Variants in BCL11A observed in about 807,000 individuals in gnomAD.
BCL11A encodes the protein BCL11 transcription factor A.
In BCL11A, 2 loss-of-function variants were observed where a neutral mutation model predicts 55.9. The ratio of observed to expected loss-of-function variants is 0.04; its 90% CI spans 0.01 to 0.11. The LOEUF (loss-of-function observed/expected upper bound fraction) is 0.11, where lower values mean the gene tolerates loss of function less well. Among genes scored for constraint, BCL11A ranks in the 10% least tolerant of loss-of-function variants. The probability of loss-of-function intolerance (pLI) is 1.00; values close to 1 mark genes in which losing one functional copy is unlikely to be tolerated. For synonymous variants in BCL11A, 465 were observed against 473.4 expected (o/e 0.98, Z 0.23); for missense variants, 817 against 1,137.1 (o/e 0.72, Z 4.05).
intron 2 of BCL11A, among the ~76,000 whole-genome samples, chr2:60,489,448 C>A (rs1033558434): frequency 6.6e-6 from 1 of 152,224 alleles, no homozygotes. Context: ...AGTAAACACA[C>A]GGCGGCCCTG....
chr2:60,467,698 GAT>G (rs1676859674), intron 3 of BCL11A, among the ~76,000 whole-genome samples: 7 of 105,132 alleles, frequency 6.7e-5, no homozygotes, highest in South Asian at 6.5e-4. Context: ...TGGTGGTGGT[GAT>G]GGTACTGGTG....
chr2:60,537,457 A>G (rs2104683106), intron 2 of BCL11A: 1 of 152,334 alleles, frequency 6.6e-6, no homozygotes, highest in Non-Finnish European at 1.5e-5. Context: ...AAATCATAAA[A>G]TCATGGTATA....
At position 60,546,875 on chromosome 2, in the gene BCL11A, A is replaced by G. The variant is rs998423542; in HGVS notation, c.56-575T>C. On this transcript the variant is annotated intron_variant, in intron 1 of 3. Transcript: ENST00000642384. The surrounding 1 kb of genome is among the most constrained non-coding windows in gnomAD (Gnocchi z 4.1). ...AGAAAGCTACTATGTCACATGAAAA[A>G]TGTGCCACATTTACACTGCTGTAAT... Among the ~76,000 whole-genome samples the G allele has an allele frequency of 6.6e-6, 1 of 151,048 alleles. No homozygotes were observed. The highest frequency in any genetic ancestry group is 1.5e-5 in the Non-Finnish European group (1 of 67,828).
intron 2 of BCL11A, chr2:60,524,808 C>T (rs1406725748): frequency 6.6e-6 from 1 of 152,162 alleles, no homozygotes; most frequent in Non-Finnish European, 1.5e-5. Context: ...CTTCTGAAAA[C>T]ATTTCATATC....
At chr2:60,507,977 A>T (rs1679740816) in intron 2 of BCL11A, among the ~76,000 whole-genome samples, 1 of 152,186 alleles carries the variant, frequency 6.6e-6, no homozygotes, top group Non-Finnish European at 1.5e-5. Context: ...AAAGCTTTAA[A>T]ATCATATGGT....
At chr2:60,493,152 G>C (rs531398346) in intron 2 of BCL11A, among the ~76,000 whole-genome samples, 2 of 150,432 alleles carry the variant, frequency 1.3e-5, no homozygotes, top group African/African-American at 4.9e-5. Context: ...ATGGTGTGGA[G>C]TGTGTTACTC....
At chr2:60,462,485 C>T in intron 3 of BCL11A, 61 bp from the exon 4 acceptor site, 1 of 1,547,480 alleles carries the variant, frequency 6.5e-7, no homozygotes, top group East Asian at 2.3e-5. Context: ...TCAGCAATTG[C>T]TTATTTATGT....
chr2:60,530,041 G>C (rs1390095460), intron 2 of BCL11A, among the ~76,000 whole-genome samples: 1 of 152,158 alleles, frequency 6.6e-6, no homozygotes, highest in African/African-American at 2.4e-5. Context: ...TTATTGGGAT[G>C]ATGACTCCTG....
intron 2 of BCL11A, chr2:60,534,185 C>A (rs1433508398): frequency 1.3e-5 from 2 of 152,228 alleles, no homozygotes; most frequent in African/African-American, 2.4e-5. Flanking sequence ...CACTCGTGTA[C>A]CTTGAGGGAG....
chr2:60,450,843 T>G (rs1357760434), downstream of BCL11A: 1 of 152,440 alleles, frequency 6.6e-6, no homozygotes, highest in Non-Finnish European at 1.5e-5. Flanking sequence ...CAACTCTGCA[T>G]GCCTTTACCA....
At chr2:60,494,994 A>T (rs2104349588) in intron 2 of BCL11A, among the ~76,000 whole-genome samples, 1 of 152,316 alleles carries the variant, frequency 6.6e-6, no homozygotes, top group East Asian at 1.9e-4. Context: ...ATGGGTGGAC[A>T]GCCCGACAGA....
chr2:60,474,163 T>C (rs1335682503), intron 2 of BCL11A, among the ~76,000 whole-genome samples: 1 of 152,188 alleles, frequency 6.6e-6, no homozygotes, highest in Non-Finnish European at 1.5e-5. Flanking sequence ...AGAGTTCTCC[T>C]CCTAGGCTTT....
At chr2:60,452,926 A>T (rs948237645), downstream of BCL11A, 1 of 404,040 alleles carries the variant, frequency 2.5e-6, no homozygotes, top group Non-Finnish European at 4.5e-6. Context: ...GCCCAATTGT[A>T]TGATAGTCCT....
At chr2:60,490,258 C>G (rs949099444) in intron 2 of BCL11A, among the ~76,000 whole-genome samples, 1 of 152,132 alleles carries the variant, frequency 6.6e-6, no homozygotes, top group Non-Finnish European at 1.5e-5. Flanking sequence ...CTCATCCACC[C>G]CCTTTGCAGA....
chr2:60,528,323 AG>A (rs1217642249), intron 2 of BCL11A: 3 of 152,562 alleles, frequency 2.0e-5, no homozygotes, highest in African/African-American at 7.2e-5. Context: ...AGCCCACTGC[AG>A]TCTCCTGACC....
intron 2 of BCL11A, among the ~76,000 whole-genome samples, chr2:60,504,772 G>A (rs1020748682): frequency 6.6e-6 from 1 of 152,110 alleles, no homozygotes; most frequent in African/African-American, 2.4e-5. Context: ...ATATAGAGAG[G>A]TGGAATATCA....
chr2:60,512,977 AAC>A (rs1668547279), intron 2 of BCL11A, among the ~76,000 whole-genome samples: 1 of 152,124 alleles, frequency 6.6e-6, no homozygotes, highest in Non-Finnish European at 1.5e-5. Context: ...CTCAAAAATG[AAC>A]ACACAGAGCA....
At chr2:60,504,871 C>A (rs1256142843) in intron 2 of BCL11A, among the ~76,000 whole-genome samples, 1 of 152,180 alleles carries the variant, frequency 6.6e-6, no homozygotes, top group Non-Finnish European at 1.5e-5. Context: ...CCACTAGCTT[C>A]CTTGCTCCAA....
chr2:60,480,724 G>C (rs931618304), intron 2 of BCL11A, among the ~76,000 whole-genome samples: 7 of 152,176 alleles, frequency 4.6e-5, no homozygotes, highest in Non-Finnish European at 1.5e-5. Context: ...AGTTAAAAGA[G>C]CTACAGCGGA....
Sources: allele counts gnomAD v4.1 joint callset (sites outside exome capture counted in the v4.1 genomes callset), GRCh38; gene constraint gnomAD v4.1.1; non-coding constraint Gnocchi (gnomAD v3.1); transcripts MANE v1.5; gene names NCBI Gene and HGNC (gene_info 2026-07-23, HGNC 2026-07-21).